RTN3: variants seen among roughly 807,000 people sequenced by gnomAD.
RTN3 encodes the protein reticulon-3.
RTN3 carries 49 observed loss-of-function variants against 77.8 expected under a neutral mutation model. That is an observed-to-expected ratio of 0.63 (90% CI 0.50 to 0.80). RTN3 has a LOEUF of 0.80. Among genes scored for constraint, RTN3 ranks in the 30% least tolerant of loss-of-function variants. RTN3 has a pLI of 0.00. For missense variants in RTN3, 1,236 were observed against 1,211.9 expected (o/e 1.02, Z -0.29); for synonymous variants, 464 against 446.9 (o/e 1.04, Z -0.48).
Position 63,758,522 on chromosome 11 carries a change from G to C in RTN3, c.*321G>C. 1 of 599,078 alleles carries C rather than the reference G, an allele frequency of 1.7e-6. No individual in the cohort carries two copies. Among genetic ancestry groups the C allele is most frequent in the South Asian group, 2.5e-5 (1 of 39,256 alleles). 37.1% of individuals were successfully genotyped at this position (599,078 alleles called of 1,614,324 possible). On this transcript the variant is annotated 3_prime_UTR_variant, in exon 9 of 9. Transcript: ENST00000377819. ...ATTGGAGGTAAGAGAGAAAATGAAAGAACACCTCTGGGTCCTTCTGTCCAG... is the reference window on the plus strand; with the variant it reads ...ATTGGAGGTAAGAGAGAAAATGAAACAACACCTCTGGGTCCTTCTGTCCAG...
intron 2 of RTN3, among the ~76,000 whole-genome samples, chr11:63,705,912 A>T (rs1391821536): frequency 6.6e-6 from 1 of 152,254 alleles, no homozygotes; most frequent in African/African-American, 2.4e-5. Context: ...ATAATAAAGT[A>T]TTATTTCATT....
rs771999896 is a variant in RTN3 at position 63,719,551 on chromosome 11, A to G, written c.1049A>G (p.Gln350Arg). ...LTWDLVPQVK[Q>R]QTDKSSDCIT... ...TGGGATCTGGTTCCCCAAGTGAAAC[A>G]ACAGACCGATAAATCTTCTGACTGC... The change falls in exon 3 of 9, where the codon CAA (glutamine) becomes CGA (arginine). Residue 350 changes from glutamine to arginine, a missense_variant. Coordinates refer to ENST00000377819, the MANE Select transcript of RTN3 (RefSeq NM_001265589.2). 1 of 1,614,216 alleles carries G rather than the reference A, an allele frequency of 6.2e-7. No homozygotes were observed. The highest frequency in any genetic ancestry group is 8.5e-7 in the Non-Finnish European group (1 of 1,180,040).
At chr11:63,683,707 T>G (rs1941186978) in intron 1 of RTN3, among the ~76,000 whole-genome samples, 1 of 152,206 alleles carries the variant, frequency 6.6e-6, no homozygotes, top group African/African-American at 2.4e-5. Context: ...ATATTTCTGT[T>G]TGGCTTACCT....
chr11:63,756,110 A>G lies in RTN3; in HGVS notation c.2995-2A>G. ...AACTGAATTTATTTTCCTTCCTTAAAGACCCAGATTGATCACTATGTTGGC... is the reference window on the plus strand; with the variant it reads ...AACTGAATTTATTTTCCTTCCTTAAGGACCCAGATTGATCACTATGTTGGC... On this transcript the variant is annotated splice_acceptor_variant, in intron 7 of 8. Transcript: ENST00000377819. LOFTEE classifies it high-confidence loss of function. The G allele has an allele frequency of 6.2e-7, 1 of 1,611,112 alleles. No homozygotes were observed. The highest frequency in any genetic ancestry group is 8.5e-7 in the Non-Finnish European group (1 of 1,177,376).
intron 7 of RTN3, among the ~76,000 whole-genome samples, chr11:63,755,836 G>C (rs907926117): frequency 1.3e-5 from 2 of 151,554 alleles, no homozygotes; most frequent in African/African-American, 4.8e-5. Context: ...GCGGGCGCCC[G>C]TAGTCCCAGC....
chr11:63,691,698 A>G (rs1396021232), intron 1 of RTN3, among the ~76,000 whole-genome samples: 1 of 152,206 alleles, frequency 6.6e-6, no homozygotes, highest in Non-Finnish European at 1.5e-5. Flanking sequence ...AGCCATCAGC[A>G]AATGCTCTTG....
intron 2 of RTN3, among the ~76,000 whole-genome samples, chr11:63,712,167 A>G (rs767940839): frequency 1.3e-5 from 2 of 152,236 alleles, no homozygotes; most frequent in Non-Finnish European, 2.9e-5. Flanking sequence ...GAAAGTGTCT[A>G]AAGCTCTACA....
intron 3 of RTN3, among the ~76,000 whole-genome samples, chr11:63,730,614 C>T (rs2012621320): frequency 6.6e-6 from 1 of 152,160 alleles, no homozygotes; most frequent in South Asian, 2.1e-4. Flanking sequence ...CTTAACCCAA[C>T]ATAACCCTAC....
At chr11:63,689,066 T>C (rs1026427238) in intron 1 of RTN3, among the ~76,000 whole-genome samples, 7 of 152,180 alleles carry the variant, frequency 4.6e-5, no homozygotes, top group African/African-American at 1.7e-4. Flanking sequence ...TAGCTTATAG[T>C]TTGTGTTAAC....
chr11:63,729,125 TAAAAG>T (rs1439315647), intron 3 of RTN3, among the ~76,000 whole-genome samples: 3 of 151,384 alleles, frequency 2.0e-5, no homozygotes, highest in Admixed American at 1.3e-4. Context: ...CATTTTTAGA[TAAAAG>T]AAAACTAAAA....
At chr11:63,692,270 A>G (rs1014074142) in intron 1 of RTN3, among the ~76,000 whole-genome samples, 6 of 151,668 alleles carry the variant, frequency 4.0e-5, no homozygotes, top group Non-Finnish European at 7.4e-5. Context: ...TCGTCCATCA[A>G]CCTCGGCCTC....
chr11:63,705,310 A>T (rs1942444484), intron 2 of RTN3, among the ~76,000 whole-genome samples: 1 of 152,174 alleles, frequency 6.6e-6, no homozygotes, highest in South Asian at 2.1e-4. Flanking sequence ...CAACATGGTG[A>T]AACCCTGTGT....
chr11:63,710,771 G>T (rs1447318264), intron 2 of RTN3, among the ~76,000 whole-genome samples: 1 of 152,108 alleles, frequency 6.6e-6, no homozygotes, highest in East Asian at 1.9e-4. Flanking sequence ...AGATTCCTGA[G>T]CTCTGTCCTC....
At chr11:63,688,407 A>G (rs1356791668) in intron 1 of RTN3, among the ~76,000 whole-genome samples, 1 of 152,052 alleles carries the variant, frequency 6.6e-6, no homozygotes, top group Non-Finnish European at 1.5e-5. Flanking sequence ...TGTTTTTAGT[A>G]GAGACAGGGT....
chr11:63,739,996 G>A (rs1353899265), intron 3 of RTN3, among the ~76,000 whole-genome samples: 1 of 152,020 alleles, frequency 6.6e-6, no homozygotes, highest in Non-Finnish European at 1.5e-5. Flanking sequence ...TGGAATTTGA[G>A]GGGCTGAGAT....
At chr11:63,739,599 C>T (rs1250555689) in intron 3 of RTN3, among the ~76,000 whole-genome samples, 1 of 152,166 alleles carries the variant, frequency 6.6e-6, no homozygotes, top group Non-Finnish European at 1.5e-5. Flanking sequence ...TGACACATAA[C>T]CAGAATCAAG....
rs55888863 is a variant in RTN3, at chr11:63,685,495, C to CAAAAAAAAAAAAAAAAA, written c.142+3731_142+3732insAAAAAAAAAAAAAAAAA. Among the ~76,000 whole-genome samples the CAAAAAAAAAAAAAAAAA allele has an allele frequency of 2.2e-4, 25 of 115,648 alleles. 2 individuals carry two copies. Among genetic ancestry groups the CAAAAAAAAAAAAAAAAA allele is most frequent in the African/African-American group, 7.4e-4 (18 of 24,400 alleles). The allele number at this position is 115,648 out of a possible 152,430, so 75.9% of individuals were successfully genotyped here. A position where few individuals can be genotyped will look rare whatever the true frequency, so the allele number is the denominator to read the frequency against. The stretch of plus-strand genomic sequence containing the variant: ...TAGGCGACACAGCAAGACTCCATCT[C>CAAAAAAAAAAAAAAAAA]AAAAAAAAAAAAAAGTTACTGCAAT... On this transcript the variant is annotated intron_variant, in intron 1 of 8. Transcript: ENST00000377819.
rs60275741 is a variant in RTN3, at chr11:63,738,632, T to TAA, written c.2531-11343_2531-11342dup. Among the ~76,000 whole-genome samples the TAA allele has an allele frequency of 6.6e-3, 913 of 138,600 alleles. 2 individuals are homozygous for TAA. The highest frequency in any genetic ancestry group is 0.016 in the South Asian group (68 of 4,324). The allele number at this position is 138,600 out of a possible 152,430, so 90.9% of individuals were successfully genotyped here. A position where few individuals can be genotyped will look rare whatever the true frequency, so the allele number is the denominator to read the frequency against. On this transcript the variant is annotated intron_variant, in intron 3 of 8. Coordinates refer to ENST00000377819, the MANE Select transcript of RTN3 (RefSeq NM_001265589.2). ...GGGTGACAGAGTGAGACCCTGTCTT[T>TAA]AAAAAAAAAAAAAAAAAGAAGGTAA...
At chr11:63,729,792 A>AATAT (rs900007585) in intron 3 of RTN3, among the ~76,000 whole-genome samples, 2 of 150,468 alleles carry the variant, frequency 1.3e-5, no homozygotes, top group African/African-American at 4.9e-5. Flanking sequence ...TGGTACTATA[A>AATAT]ATATATATAT....
Sources: gnomAD v4.1 joint callset for allele counts (sites outside exome capture counted in the v4.1 genomes callset) on GRCh38, gnomAD v4.1.1 for gene constraint, MANE v1.5 for transcripts, NCBI Gene and HGNC (gene_info 2026-07-23, HGNC 2026-07-21) for gene names.